The following CLASRP variants were observed in gnomAD, a reference collection of about 807,000 sequenced individuals.
CLASRP encodes CLK4 associating serine/arginine rich protein, also known as CLK4-associating serine/arginine rich protein.
CLASRP carries 52 observed loss-of-function variants against 99.9 expected under a neutral mutation model. The observed-to-expected ratio is 0.52, with a 90% confidence interval of 0.42 to 0.66. The LOEUF is 0.66. CLASRP is among the 30% of genes least tolerant of loss of function. The pLI, the probability that CLASRP is intolerant of heterozygous loss-of-function variation, is 0.00. For missense variants in CLASRP, 848 were observed against 999.2 expected (o/e 0.85, Z 2.04); for synonymous variants, 379 against 373.0 (o/e 1.02, Z -0.18).
rs1476281165 is a variant in CLASRP, at chr19:45,067,169, C to A, written c.1410-168C>A. ...CGCCATCTCTGTAGCCGGAGGGAGG[C>A]CGGAATGCCGCTCTGGGACATTTTG... is the stretch of plus-strand genomic sequence containing the variant. On this transcript the variant is annotated intron_variant, in intron 13 of 20. Coordinates refer to ENST00000221455, the MANE Select transcript of CLASRP (RefSeq NM_007056.3). This position sits in a 1 kb window ranked among gnomAD's most constrained non-coding sequence, Gnocchi z 4.9. 6.6e-6 allele frequency among the ~76,000 whole-genome samples: 1 copy of A among 152,144 alleles called. No homozygotes were observed. Among genetic ancestry groups the A allele is most frequent in the Non-Finnish European group, 1.5e-5 (1 of 68,018 alleles).
At chr19:45,045,618 A>G (rs562065572) in intron 2 of CLASRP, among the ~76,000 whole-genome samples, 1 of 152,294 alleles carries the variant, frequency 6.6e-6, no homozygotes, top group Non-Finnish European at 1.5e-5. Context: ...TAAGAGGTGT[A>G]GACTTTATTT....
In CLASRP at chr19:45,067,513, G is replaced by A; in HGVS notation, c.1586G>A (p.Ser529Asn). 1 of 1,596,926 alleles carries A rather than the reference G, an allele frequency of 6.3e-7. No homozygotes were observed. The highest frequency in any genetic ancestry group is 8.5e-7 in the Non-Finnish European group (1 of 1,175,814). Residue 529 changes from serine to asparagine, a missense_variant, in exon 14 of 21, where the codon AGC (serine) becomes AAC (asparagine). By Grantham distance (46) the Ser-to-Asn change is conservative. Coordinates refer to ENST00000221455, the MANE Select transcript of CLASRP (RefSeq NM_007056.3). This position sits in a 1 kb window ranked among gnomAD's most constrained non-coding sequence, Gnocchi z 4.9. ...AGCCGCAGCCGCAGCCGCAGCCGCAGCCAGAGCCCCTCGCCATCACCCGCA... is the reference window on the plus strand; with the variant it reads ...AGCCGCAGCCGCAGCCGCAGCCGCAACCAGAGCCCCTCGCCATCACCCGCA... ...SQSRSRSRSRSQSPSPSPARE... is the reference protein window; with the variant it reads ...SQSRSRSRSRNQSPSPSPARE...
intron 2 of CLASRP, among the ~76,000 whole-genome samples, chr19:45,049,721 C>G (rs1403622938): frequency 6.6e-6 from 1 of 152,168 alleles, no homozygotes; most frequent in African/African-American, 2.4e-5. Flanking sequence ...TTATTCCTGT[C>G]TTTCCTTCAT....
intron 16 of CLASRP, 91 bp downstream of exon 16, chr19:45,068,571 G>C: frequency 9.8e-7 from 1 of 1,018,318 alleles, no homozygotes; most frequent in Admixed American, 1.7e-5. Flanking sequence ...TGGGAGGCCT[G>C]GCCCTTCCCT....
chr19:45,069,933 C>A lies in CLASRP; in HGVS notation c.1875-89C>A, dbSNP rs879164554. The A allele has an allele frequency of 5.3e-6, 4 of 760,890 alleles. No homozygotes were observed. The South Asian group carries it at 5.9e-5, about 11-fold the overall frequency. The allele number at this position is 760,890 out of a possible 1,614,324, so 47.1% of individuals were successfully genotyped here. A position where few individuals can be genotyped will look rare whatever the true frequency, so the allele number is the denominator to read the frequency against. On this transcript the variant is annotated intron_variant, in intron 18 of 20. Coordinates refer to ENST00000221455, the MANE Select transcript of CLASRP (RefSeq NM_007056.3). ...ACCGGCCCCCTTGGTTTACTGTCTT[C>A]CTCGGAGTAGGGTGTTGGAAGCACC... is the stretch of plus-strand genomic sequence containing the variant.
Position 45,067,480 on chromosome 19 carries a change from CCAGCCAGAGCCG to C in CLASRP, c.1559_1570del (p.Gln520_Ser523del). The C allele has an allele frequency of 6.4e-7, 1 of 1,567,194 alleles. No homozygotes were observed. The highest frequency in any genetic ancestry group is 8.6e-7 in the Non-Finnish European group (1 of 1,161,876). On this transcript the variant is annotated inframe_deletion, in exon 14 of 21. Transcript: ENST00000221455. The surrounding 1 kb of genome is among the most constrained non-coding windows in gnomAD (Gnocchi z 4.9). Reference sequence around the variant, plus strand: ...CGCAGCCGCAGCCATAGCCCCAGCCCCAGCCAGAGCCGCAGCCGCAGCCGCAGCCGCAGCCAG... The same window carrying C: ...CGCAGCCGCAGCCATAGCCCCAGCCCCAGCCGCAGCCGCAGCCGCAGCCAG...
At chr19:45,055,131 G>A (rs748801572) in intron 5 of CLASRP, among the ~76,000 whole-genome samples, 3 of 152,168 alleles carry the variant, frequency 2.0e-5, no homozygotes, top group Non-Finnish European at 2.9e-5. Flanking sequence ...GAACACCTGC[G>A]GTGTGGCAAT....
rs769895199 is a variant in CLASRP at position 45,057,896 on chromosome 19, T to C, written c.611T>C (p.Ile204Thr). ...GACGAAGATGAGGTCATCCCCGACA[T>C]CGGTGGGGTCCCCTCTCTGCCCTCC... ...NSDEDEVIPD[I>T]DVEVDVDELN... The change falls in exon 7 of 21, where the codon ATC becomes ACC. Residue 204 changes from isoleucine (I) to threonine (T), a missense_variant and splice_region_variant. Around this residue, in one of 8 missense-constraint regions of CLASRP, gnomAD observed 119 missense variants for 170.2 expected, o/e 0.70. Transcript: ENST00000221455. 2.5e-6 allele frequency: 4 copies of C among 1,613,650 alleles called. No homozygotes were observed. The highest frequency in any genetic ancestry group is 3.4e-6 in the Non-Finnish European group (4 of 1,179,896).
chr19:45,041,050 A>G (rs60372869), intron 2 of CLASRP, among the ~76,000 whole-genome samples: 3,535 of 151,918 alleles, frequency 0.023, 147 homozygotes, highest in African/African-American at 0.081. Context: ...GTGAAACCCC[A>G]TCTCTATTAA....
At position 45,064,362 on chromosome 19, in the gene CLASRP, T is replaced by C. The variant is rs1388259769; in HGVS notation, c.1141T>C (p.Ser381Pro). 10 of 1,532,676 alleles carry C rather than the reference T, an allele frequency of 6.5e-6. No homozygotes were observed. In the Admixed American group the frequency reaches 7.9e-5, roughly 12 times the overall value. The allele number at this position is 1,532,676 out of a possible 1,614,324, so 94.9% of individuals were successfully genotyped here. The part of the protein sequence containing the change: ...ASARRRSSSS[S>P]SSSSASRTSS... ...CTGCAGCCGCCGCTCCTCCTCCTCC[T>C]CCTCCTCCTCTTCTGCCTCGAGGAC... The change falls in exon 13 of 21, where the codon TCC (serine) becomes CCC (proline). Residue 381 changes from serine (S) to proline (P), a missense_variant. Ser to Pro is a moderately conservative substitution (Grantham distance 74). Coordinates refer to ENST00000221455, the MANE Select transcript of CLASRP (RefSeq NM_007056.3).
chr19:45,056,892 G>C (rs1282761162), intron 6 of CLASRP, among the ~76,000 whole-genome samples: 1 of 152,174 alleles, frequency 6.6e-6, no homozygotes, highest in African/African-American at 2.4e-5. Flanking sequence ...CCTGGAGTTG[G>C]GAGGCATGCA....
Position 45,066,799 on chromosome 19 carries a change from G to A in CLASRP, c.1410-538G>A, listed in dbSNP as rs1256061077. On this transcript the variant is annotated intron_variant, in intron 13 of 20. Transcript: ENST00000221455. ...GCCAGCCTGAGAGTGGGCAGTGGGT[G>A]GAGAGTCCCACCAGTGTCCTGAGCA... Among the ~76,000 whole-genome samples, 13 of 152,170 alleles carry A rather than the reference G, an allele frequency of 8.5e-5. No individual in the cohort carries two copies. The East Asian group carries it at 1.4e-3, about 16-fold the overall frequency.
Position 45,060,678 on chromosome 19 carries a change from C to T in CLASRP, c.863+51C>T. The T allele has an allele frequency of 7.0e-7, 1 of 1,437,144 alleles. No individual in the cohort carries two copies. Among genetic ancestry groups the T allele is most frequent in the South Asian group, 1.3e-5 (1 of 76,114 alleles). 89.0% of individuals were successfully genotyped at this position (1,437,144 alleles called of 1,614,324 possible). Reference sequence around the variant, plus strand: ...CCTGCTGGCATCTGGGGGAGGAGAGCAGGGGCTTAGGGCCTGAGAAAGCTC... The same window carrying T: ...CCTGCTGGCATCTGGGGGAGGAGAGTAGGGGCTTAGGGCCTGAGAAAGCTC... On this transcript the variant is annotated intron_variant, in intron 10 of 20. Coordinates refer to ENST00000221455, the MANE Select transcript of CLASRP (RefSeq NM_007056.3). The surrounding 1 kb of genome is among the most constrained non-coding windows in gnomAD (Gnocchi z 4.6).
At position 45,050,639 on chromosome 19, in the gene CLASRP, G is replaced by A. The variant is rs140059267; in HGVS notation, c.100-1432G>A. 7.7e-3 allele frequency among the ~76,000 whole-genome samples: 1,176 copies of A among 152,208 alleles called. 14 individuals carry two copies. The highest frequency in any genetic ancestry group is 0.026 in the African/African-American group (1,090 of 41,544). ...GTGGAGGTTGCAGTGAGCTGATATC[G>A]CACCATTGCACTCCAGTTGAAGATC... On this transcript the variant is annotated intron_variant, in intron 2 of 20. Coordinates refer to ENST00000221455, the MANE Select transcript of CLASRP (RefSeq NM_007056.3).
chr19:45,062,276 G>T (rs923025297), intron 11 of CLASRP, 81 bp downstream of exon 11: 4 of 862,164 alleles, frequency 4.6e-6, no homozygotes, highest in South Asian at 2.7e-5. Context: ...GGGATGGGAG[G>T]TTCACCCTGC....
At position 45,057,737 on chromosome 19, in the gene CLASRP, TC is replaced by T; in HGVS notation, c.465-9del. On this transcript the variant is annotated splice_polypyrimidine_tract_variant and intron_variant, in intron 6 of 20. Coordinates refer to ENST00000221455, the MANE Select transcript of CLASRP (RefSeq NM_007056.3). ...CTGGGCACGGCCCTGGCTTACCAGC[TC>T]CCCTTTCTCAGGCTGGCAGAGAAGA... 1 of 1,613,664 alleles carries T rather than the reference TC, an allele frequency of 6.2e-7. No individual in the cohort carries two copies. The highest frequency in any genetic ancestry group is 1.1e-5 in the South Asian group (1 of 91,072).
rs185910566 is a variant in CLASRP at position 45,067,003 on chromosome 19, C to T, written c.1410-334C>T. Reference sequence around the variant, plus strand: ...ACTGTTGTGCCTGAGCTGGACACGGCTCATAAAGGGGGAGCCAGCCATCCC... The same window carrying T: ...ACTGTTGTGCCTGAGCTGGACACGGTTCATAAAGGGGGAGCCAGCCATCCC... On this transcript the variant is annotated intron_variant, in intron 13 of 20. Coordinates refer to ENST00000221455, the MANE Select transcript of CLASRP (RefSeq NM_007056.3). The surrounding 1 kb of genome is among the most constrained non-coding windows in gnomAD (Gnocchi z 4.9). 2.0e-5 allele frequency among the ~76,000 whole-genome samples: 3 copies of T among 152,240 alleles called. No homozygotes were observed. The East Asian group carries it at 5.8e-4, about 29-fold the overall frequency.
Position 45,067,190 on chromosome 19 carries a change from T to G in CLASRP, c.1410-147T>G. The G allele has an allele frequency of 2.2e-5, 21 of 951,412 alleles. No homozygotes were observed. Among genetic ancestry groups the G allele is most frequent in the Non-Finnish European group, 2.9e-5 (19 of 663,680 alleles). 58.9% of individuals were successfully genotyped at this position (951,412 alleles called of 1,614,324 possible). A position where few individuals can be genotyped will look rare whatever the true frequency, so the allele number is the denominator to read the frequency against. On this transcript the variant is annotated intron_variant, in intron 13 of 20. Coordinates refer to ENST00000221455, the MANE Select transcript of CLASRP (RefSeq NM_007056.3). The surrounding 1 kb of genome is among the most constrained non-coding windows in gnomAD (Gnocchi z 4.9). ...GAGGCCGGAATGCCGCTCTGGGACA[T>G]TTTGGAGGGAGAGTAGCAGGAGAGG...
In CLASRP at chr19:45,060,639, C is replaced by G; in HGVS notation, c.863+12C>G. On this transcript the variant is annotated intron_variant, in intron 10 of 20. Coordinates refer to ENST00000221455, the MANE Select transcript of CLASRP (RefSeq NM_007056.3). This position sits in a 1 kb window ranked among gnomAD's most constrained non-coding sequence, Gnocchi z 4.6. ...ATCAGCCCACCCAGGTAGGGCTTCT[C>G]CCTGAACCCCCACCCTGCTGGCATC... 2 of 1,569,492 alleles carry G rather than the reference C, an allele frequency of 1.3e-6. No homozygotes were observed. The highest frequency in any genetic ancestry group is 1.2e-5 in the South Asian group (1 of 85,896).
Sources: allele counts gnomAD v4.1 joint callset (sites outside exome capture counted in the v4.1 genomes callset), GRCh38; gene constraint gnomAD v4.1.1; regional missense constraint gnomAD v4.1.1; non-coding constraint Gnocchi (gnomAD v3.1); transcripts MANE v1.5; gene names NCBI Gene and HGNC (gene_info 2026-07-23, HGNC 2026-07-21).